Variants in SYDE2 observed in about 807,000 individuals in gnomAD.
The protein encoded by SYDE2 is synapse defective Rho GTPase homolog 2.
A neutral mutation model predicts 91.5 loss-of-function variants in SYDE2; 76 were observed. The ratio of observed to expected loss-of-function variants is 0.83; its 90% CI spans 0.69 to 1.01. SYDE2 has a LOEUF of 1.01. Ranked by LOEUF, SYDE2 falls within the 50% of genes least tolerant of loss-of-function variation. The pLI is 0.00. For missense variants in SYDE2, 1,364 were observed against 1,367.7 expected, an observed-to-expected ratio of 1.00 and a Z score of 0.04; for synonymous variants, 513 against 506.4, an observed-to-expected ratio of 1.01 and a Z score of -0.18.
At chr1:85,176,936 T>C (rs546865595) in intron 4 of SYDE2, among the ~76,000 whole-genome samples, 3 of 152,334 alleles carry the variant, frequency 2.0e-5, no homozygotes, top group South Asian at 4.1e-4. Flanking sequence ...GGAATTATTA[T>C]AAACCAGTAG....
At chr1:85,186,736 A>G (rs1367341708) in intron 2 of SYDE2, among the ~76,000 whole-genome samples, 1 of 152,000 alleles carries the variant, frequency 6.6e-6, no homozygotes. Flanking sequence ...CTGATCTTTG[A>G]CAAACCTGAG....
At chr1:85,194,817 T>A in intron 1 of SYDE2, 1 of 985,212 alleles carries the variant, frequency 1.0e-6, no homozygotes, top group Non-Finnish European at 1.2e-6. Flanking sequence ...CCAGCTCAAA[T>A]GCCATCAGCA....
chr1:85,196,873 A>G (rs1308312412), intron 1 of SYDE2, among the ~76,000 whole-genome samples: 1 of 152,228 alleles, frequency 6.6e-6, no homozygotes, highest in African/African-American at 2.4e-5. Flanking sequence ...TAAAGATCAT[A>G]CCAAACTAAT....
At chr1:85,178,989 C>T (rs1657814768) in intron 3 of SYDE2, among the ~76,000 whole-genome samples, 2 of 152,048 alleles carry the variant, frequency 1.3e-5, no homozygotes, top group South Asian at 4.1e-4. Context: ...CACTGTCATA[C>T]AGGTTCTAAA....
At chr1:85,192,990 A>C (rs538037986) in intron 1 of SYDE2, among the ~76,000 whole-genome samples, 20 of 152,348 alleles carry the variant, frequency 1.3e-4, no homozygotes, top group Middle Eastern at 3.4e-3. Flanking sequence ...AAAACTATTA[A>C]GTTCTACTCA....
chr1:85,193,973 C>A (rs781112129), intron 1 of SYDE2, among the ~76,000 whole-genome samples: 4 of 152,122 alleles, frequency 2.6e-5, no homozygotes, highest in African/African-American at 4.8e-5. Flanking sequence ...AATCCATTCA[C>A]TCTGATTGCT....
At chr1:85,172,859 A>C (rs1276237392) in intron 4 of SYDE2, among the ~76,000 whole-genome samples, 6 of 152,208 alleles carry the variant, frequency 3.9e-5, no homozygotes, top group African/African-American at 1.4e-4. Flanking sequence ...CCAAGTGTTC[A>C]TCTGAGTACT....
chr1:85,196,477 T>G (rs982291575), intron 1 of SYDE2, among the ~76,000 whole-genome samples: 2 of 152,146 alleles, frequency 1.3e-5, no homozygotes, highest in African/African-American at 4.8e-5. Flanking sequence ...ACAGCATTTC[T>G]TGGGAGCCAC....
At chr1:85,159,464 T>C (rs1656984205) in intron 6 of SYDE2, among the ~76,000 whole-genome samples, 1 of 152,214 alleles carries the variant, frequency 6.6e-6, no homozygotes, top group South Asian at 2.1e-4. Flanking sequence ...ATGGTGCTAA[T>C]TCATGCTACA....
At position 85,200,985 on chromosome 1, in the gene SYDE2, C is replaced by T. The variant is rs1482249740; in HGVS notation, c.12G>A (p.Leu4=). 3.1e-6 allele frequency: 4 copies of T among 1,306,130 alleles called. No homozygotes were observed. The highest frequency in any genetic ancestry group is 3.0e-5 in the East Asian group (1 of 33,888). 80.9% of individuals were successfully genotyped at this position (1,306,130 alleles called of 1,614,324 possible). ...CCCGCCGCGCGCCCGAGTCAGGGGG[C>T]AGGTCGTGCATGGCCTGGATCAGCA... MHD[L]PPDSGARRGG... The change falls in exon 1 of 7, where the codon CTG becomes CTA. Residue 4 remains leucine, a synonymous_variant. Transcript: ENST00000341460.
In SYDE2 at chr1:85,182,349, CA is replaced by C; in HGVS notation, c.2292del (p.Val765PhefsTer8). 1 of 1,613,862 alleles carries C rather than the reference CA, an allele frequency of 6.2e-7. No homozygotes were observed. The highest frequency in any genetic ancestry group is 1.1e-5 in the South Asian group (1 of 91,054). ...GTCACTCTAAATAAGGTGGGAAGAACAACAGTTCCATGACAACAAACTCGAT... is the reference window on the plus strand; with the variant it reads ...GTCACTCTAAATAAGGTGGGAAGAACACAGTTCCATGACAACAAACTCGAT... The part of the protein sequence containing the change: ...RKNRVCCHGT[V>X]VLPTLFRVTK... On this transcript the variant is annotated frameshift_variant, in exon 3 of 7. Transcript: ENST00000341460. LOFTEE classifies it high-confidence loss of function.
At chr1:85,165,834 T>C (rs1478472066) in intron 5 of SYDE2, among the ~76,000 whole-genome samples, 1 of 150,950 alleles carries the variant, frequency 6.6e-6, no homozygotes, top group Non-Finnish European at 1.5e-5. Context: ...CAAAACTGTA[T>C]TGAAGACATT....
chr1:85,190,897 A>C (rs1237818914), intron 1 of SYDE2, 145 bp from the exon 2 acceptor site: 2 of 543,492 alleles, frequency 3.7e-6, no homozygotes, highest in Admixed American at 3.5e-5. Flanking sequence ...ACTAGAAAAA[A>C]TTTGAATTTT....
chr1:85,186,653 G>A (rs1414716174), intron 2 of SYDE2, among the ~76,000 whole-genome samples: 1 of 151,762 alleles, frequency 6.6e-6, no homozygotes, highest in Non-Finnish European at 1.5e-5. Flanking sequence ...CATGGTACTG[G>A]TACCAAAACA....
At chr1:85,195,333 A>G (rs1658545034) in intron 1 of SYDE2, among the ~76,000 whole-genome samples, 1 of 152,180 alleles carries the variant, frequency 6.6e-6, no homozygotes, top group Non-Finnish European at 1.5e-5. Flanking sequence ...AAACATTTTA[A>G]TATTTATTAA....
At chr1:85,168,234 C>G (rs187199366) in intron 5 of SYDE2, among the ~76,000 whole-genome samples, 140 of 152,256 alleles carry the variant, frequency 9.2e-4, no homozygotes, top group African/African-American at 3.1e-3. Context: ...TTCCCTTCCC[C>G]TAATCCAAAG....
intron 2 of SYDE2, among the ~76,000 whole-genome samples, chr1:85,187,323 C>G (rs894447398): frequency 6.6e-6 from 1 of 152,142 alleles, no homozygotes; most frequent in Non-Finnish European, 1.5e-5. Context: ...GAGATACCAT[C>G]TCATACCAGT....
At chr1:85,198,572 T>C (rs1461033606) in intron 1 of SYDE2, among the ~76,000 whole-genome samples, 6 of 152,222 alleles carry the variant, frequency 3.9e-5, no homozygotes, top group African/African-American at 4.8e-5. Context: ...AATTGTTTCA[T>C]TTTAATTTCT....
At chr1:85,154,507 A>G (rs1169058924), downstream of SYDE2, among the ~76,000 whole-genome samples, 1 of 146,820 alleles carries the variant, frequency 6.8e-6, no homozygotes, top group Admixed American at 6.9e-5. Flanking sequence ...AGGCATTAGT[A>G]CTAATCGTTA....
Sources: gnomAD v4.1 joint callset for allele counts (sites outside exome capture counted in the v4.1 genomes callset) on GRCh38, gnomAD v4.1.1 for gene constraint, MANE v1.5 for transcripts, NCBI Gene and HGNC (gene_info 2026-07-23, HGNC 2026-07-21) for gene names.